TERF2: variants seen among roughly 807,000 people sequenced by gnomAD.
TERF2 encodes telomeric repeat-binding factor 2.
Under a neutral mutation model 56.1 loss-of-function variants are expected in TERF2, and 16 were observed. That is an observed-to-expected ratio of 0.29 (90% CI 0.19 to 0.43). The LOEUF (loss-of-function observed/expected upper bound fraction) is 0.43, where lower values mean the gene tolerates loss of function less well. Among genes scored for constraint, TERF2 ranks in the 20% least tolerant of loss-of-function variants. The probability of loss-of-function intolerance (pLI) is 1.00; values close to 1 mark genes in which losing one functional copy is unlikely to be tolerated. For synonymous variants in TERF2, 296 were observed against 282.1 expected (o/e 1.05, Z -0.50); for missense variants, 547 against 712.9 (o/e 0.77, Z 2.65).
In TERF2 at chr16:69,360,568, C is replaced by T. The variant is rs114823782; in HGVS notation, c.1426+836G>A. 3.1e-3 allele frequency among the ~76,000 whole-genome samples: 466 copies of T among 151,726 alleles called. 3 individuals carry two copies. Among genetic ancestry groups the T allele is most frequent in the African/African-American group, 0.011 (445 of 41,352 alleles). On this transcript the variant is annotated intron_variant, in intron 8 of 9. Coordinates refer to ENST00000254942, the MANE Select transcript of TERF2 (RefSeq NM_005652.5). ...AAAATACAAAAAAAGATTAGTTGGGCATGGTGGCAAGGGCCTGTAGTCCCC... is the reference window on the plus strand; with the variant it reads ...AAAATACAAAAAAAGATTAGTTGGGTATGGTGGCAAGGGCCTGTAGTCCCC...
In TERF2 at chr16:69,385,614, G is replaced by C. The variant is rs1367106356; in HGVS notation, c.358C>G (p.Gln120Glu). The C allele has an allele frequency of 1.2e-6, 2 of 1,603,564 alleles. No individual in the cohort carries two copies. The highest frequency in any genetic ancestry group is 8.5e-7 in the Non-Finnish European group (1 of 1,178,140). ...TCACCCTGCATGATGTCCCGGATCT[G>C]TCTGAAGTCCCCGTACCGGCTACCC... Reference protein sequence around the residue: ...FRGSRYGDFRQIRDIMQALLV... With the variant: ...FRGSRYGDFREIRDIMQALLV... Residue 120 changes from glutamine (Q) to glutamate (E), a missense_variant, in exon 1 of 10, where the codon CAG becomes GAG. Gln to Glu is a conservative substitution (Grantham distance 29, BLOSUM62 2). Around this residue, in one of 6 missense-constraint regions of TERF2, gnomAD observed 120 missense variants for 172.4 expected, o/e 0.70. Coordinates refer to ENST00000254942, the MANE Select transcript of TERF2 (RefSeq NM_005652.5).
At chr16:69,372,123 G>T (rs2013598759) in intron 4 of TERF2, 146 bp downstream of exon 4, 3 of 536,762 alleles carry the variant, frequency 5.6e-6, no homozygotes, top group Middle Eastern at 3.9e-4. Context: ...AGTTATCTTG[G>T]ATATAAAAGA....
chr16:69,373,971 T>C (rs1188890988), intron 3 of TERF2, among the ~76,000 whole-genome samples: 1 of 152,248 alleles, frequency 6.6e-6, no homozygotes, highest in Non-Finnish European at 1.5e-5. Context: ...CCTCAACGTG[T>C]TAAGCACAGC....
At chr16:69,385,045 T>A (rs567110969) in intron 2 of TERF2, among the ~76,000 whole-genome samples, 1 of 152,216 alleles carries the variant, frequency 6.6e-6, no homozygotes, top group Admixed American at 6.5e-5. Context: ...TCAAGTTAAA[T>A]TCAGAGGGGA....
intron 9 of TERF2, 51 bp from the exon 10 acceptor site, chr16:69,357,107 TA>T (rs1973325467): frequency 6.4e-7 from 1 of 1,556,622 alleles, no homozygotes; most frequent in African/African-American, 1.4e-5. Context: ...TCCACTTACT[TA>T]CATTTTCTCC....
At chr16:69,359,913 C>T (rs1264916213) in intron 8 of TERF2, among the ~76,000 whole-genome samples, 1 of 151,890 alleles carries the variant, frequency 6.6e-6, no homozygotes, top group Non-Finnish European at 1.5e-5. Flanking sequence ...GCCACCACTC[C>T]TGGCCTAAAT....
At chr16:69,366,736 A>G in intron 7 of TERF2, 71 bp downstream of exon 7, 3 of 1,516,176 alleles carry the variant, frequency 2.0e-6, no homozygotes, top group Non-Finnish European at 2.6e-6. Context: ...TACTTCATTC[A>G]CGGAAGTAAT....
chr16:69,382,802 C>T (rs1259463440), intron 3 of TERF2, among the ~76,000 whole-genome samples: 1 of 152,164 alleles, frequency 6.6e-6, no homozygotes, highest in Non-Finnish European at 1.5e-5. Context: ...TTGACTGTAA[C>T]CTCATGAGAA....
At chr16:69,384,463 G>A in intron 3 of TERF2, 117 bp downstream of exon 3, 1 of 1,082,398 alleles carries the variant, frequency 9.2e-7, no homozygotes, top group Non-Finnish European at 1.3e-6. Flanking sequence ...TTTCTTGCTT[G>A]CTCAATCTCT....
At chr16:69,376,691 C>CA (rs1003834288) in intron 3 of TERF2, among the ~76,000 whole-genome samples, 8,703 of 94,720 alleles carry the variant, frequency 0.092, 884 homozygotes, top group African/African-American at 0.25. Context: ...CCATCTTTAC[C>CA]AAAAAAAAAA....
intron 3 of TERF2, among the ~76,000 whole-genome samples, chr16:69,382,532 C>G (rs2014041951): frequency 2.0e-5 from 3 of 152,258 alleles, no homozygotes; most frequent in Non-Finnish European, 4.4e-5. Context: ...TCTGTATGAC[C>G]AAGAGCATAT....
chr16:69,356,644 C>T lies in TERF2; in HGVS notation c.*254G>A, dbSNP rs2012911531. The T allele has an allele frequency of 1.8e-5, 6 of 342,206 alleles. No homozygotes were observed. In the South Asian group the frequency reaches 2.3e-4, roughly 13 times the overall value. 21.2% of individuals were successfully genotyped at this position (342,206 alleles called of 1,614,324 possible). On this transcript the variant is annotated 3_prime_UTR_variant, in exon 10 of 10. Transcript: ENST00000254942. ...TGAAACCCCGTCTCTACTAAAAATA[C>T]AAAACATTAGCCGGGCGTGATGGCG...
chr16:69,357,497 G>T (rs1299898554), intron 9 of TERF2, 21 bp downstream of exon 9: 1 of 1,606,776 alleles, frequency 6.2e-7, no homozygotes, highest in South Asian at 1.1e-5. Context: ...ACCAGTAACA[G>T]AAAAGAGAAT....
At chr16:69,371,195 A>C (rs2013560407) in intron 4 of TERF2, among the ~76,000 whole-genome samples, 1 of 152,158 alleles carries the variant, frequency 6.6e-6, no homozygotes, top group South Asian at 2.1e-4. Flanking sequence ...TTTTCAAATA[A>C]TAAAATTTGA....
intron 7 of TERF2, among the ~76,000 whole-genome samples, chr16:69,364,037 A>G (rs1268895149): frequency 6.6e-6 from 1 of 152,178 alleles, no homozygotes; most frequent in Admixed American, 6.5e-5. Context: ...CAGACAACTC[A>G]TGTGGCCCAA....
chr16:69,373,493 T>C (rs563237730), intron 3 of TERF2, among the ~76,000 whole-genome samples: 123 of 152,344 alleles, frequency 8.1e-4, no homozygotes, highest in Non-Finnish European at 1.5e-3. Flanking sequence ...AAATCCTGTC[T>C]GAGAGACACA....
intron 8 of TERF2, 166 bp downstream of exon 8, chr16:69,361,238 G>GAAA (rs375985765): frequency 4.8e-4 from 257 of 537,586 alleles, no homozygotes; most frequent in Admixed American, 5.8e-4. Context: ...TCTGAAAAAG[G>GAAA]AAAAAAAAAA....
At chr16:69,372,386 T>A in intron 3 of TERF2, 31 bp from the exon 4 acceptor site, 1 of 1,430,478 alleles carries the variant, frequency 7.0e-7, no homozygotes, top group Non-Finnish European at 9.8e-7. Context: ...CTTTTTTTAC[T>A]TTTGTAATGA....
chr16:69,363,311 C>T (rs1347128982), intron 7 of TERF2, among the ~76,000 whole-genome samples: 2 of 152,194 alleles, frequency 1.3e-5, no homozygotes, highest in African/African-American at 2.4e-5. Context: ...CCTCCCTGCA[C>T]AGTCTTCACA....
Sources: gnomAD v4.1 joint callset for allele counts (sites outside exome capture counted in the v4.1 genomes callset) on GRCh38, gnomAD v4.1.1 for gene constraint, gnomAD v4.1.1 regional missense constraint, MANE v1.5 for transcripts, NCBI Gene and HGNC (gene_info 2026-07-23, HGNC 2026-07-21) for gene names.